GABPB2: variants seen among roughly 807,000 people sequenced by gnomAD.
GABPB2 encodes the protein GA-binding protein subunit beta-2.
GABPB2 carries 23 observed loss-of-function variants against 39.1 expected under a neutral mutation model. The observed-to-expected ratio is 0.59, with a 90% CI of 0.42 to 0.83. GABPB2 has a LOEUF of 0.83. Among genes scored for constraint, GABPB2 ranks in the 40% least tolerant of loss-of-function variants. The pLI is 0.00. For synonymous variants in GABPB2, 184 were observed against 199.3 expected (o/e 0.92, Z 0.65); for missense variants, 467 against 541.1 (o/e 0.86, Z 1.36).
At chr1:151,075,162 C>T (rs760698690) in intron 1 of GABPB2, among the ~76,000 whole-genome samples, 2 of 151,592 alleles carry the variant, frequency 1.3e-5, no homozygotes, top group East Asian at 2.0e-4. Flanking sequence ...AAGGGCCAGG[C>T]GCAGTGGCTC....
At position 151,088,279 on chromosome 1, in the gene GABPB2, C is replaced by T. The variant is rs1244643887; in HGVS notation, c.90C>T (p.Ala30=). 1 of 1,613,212 alleles carries T rather than the reference C, an allele frequency of 6.2e-7. No homozygotes were observed. Among genetic ancestry groups the T allele is most frequent in the Non-Finnish European group, 8.5e-7 (1 of 1,179,592 alleles). Residue 30 remains alanine (A), a synonymous_variant, in exon 2 of 9, where the codon GCC becomes GCT. Transcript: ENST00000368918. ...TGAGAACGTTGATGGCAAATGGCGC[C>T]CCATTCACCACAGACTGGGTAAGCT... The part of the protein sequence containing the change: ...DEVRTLMANG[A]PFTTDWLGTS...
In GABPB2 at chr1:151,119,463, G is replaced by C. The variant is rs587757039; in HGVS notation, c.*1207G>C. The C allele has an allele frequency of 1.3e-5, 2 of 152,344 alleles. No individual in the cohort carries two copies. The highest frequency in any genetic ancestry group is 4.8e-5 in the African/African-American group (2 of 41,458). The allele number at this position is 152,344 out of a possible 1,614,324, so 9.4% of individuals were successfully genotyped here. A position where few individuals can be genotyped will look rare whatever the true frequency, so the allele number is the denominator to read the frequency against. Reference sequence around the variant, plus strand: ...TACTAAAAATACAAAAAATTGGCCGGGCGCAGCGGCTCACGCCTGTAATCC... The same window carrying C: ...TACTAAAAATACAAAAAATTGGCCGCGCGCAGCGGCTCACGCCTGTAATCC... On this transcript the variant is annotated 3_prime_UTR_variant, in exon 9 of 9. Coordinates refer to ENST00000368918, the MANE Select transcript of GABPB2 (RefSeq NM_144618.3).
At position 151,119,698 on chromosome 1, in the gene GABPB2, A is replaced by C. The variant is rs587599420; in HGVS notation, c.*1442A>C. The C allele has an allele frequency of 6.5e-6, 1 of 152,874 alleles. No homozygotes were observed. The highest frequency in any genetic ancestry group is 6.5e-5 in the Admixed American group (1 of 15,296). 9.5% of individuals were successfully genotyped at this position (152,874 alleles called of 1,614,324 possible). On this transcript the variant is annotated 3_prime_UTR_variant, in exon 9 of 9. Coordinates refer to ENST00000368918, the MANE Select transcript of GABPB2 (RefSeq NM_144618.3). Reference sequence around the variant, plus strand: ...GGTTGCAGTGAGCCAAGATCGTGCCACTGCACTCCAGCCTGGCGACACAGT... The same window carrying C: ...GGTTGCAGTGAGCCAAGATCGTGCCCCTGCACTCCAGCCTGGCGACACAGT...
At chr1:151,073,439 T>C (rs1676886204) in intron 1 of GABPB2, among the ~76,000 whole-genome samples, 1 of 152,120 alleles carries the variant, frequency 6.6e-6, no homozygotes, top group Admixed American at 6.6e-5. Context: ...GCCTAGACTG[T>C]TTTCTGATGT....
chr1:151,074,088 G>A (rs1360898338), intron 1 of GABPB2, among the ~76,000 whole-genome samples: 1 of 135,328 alleles, frequency 7.4e-6, no homozygotes, highest in African/African-American at 2.8e-5. Flanking sequence ...CCATTCTCCT[G>A]CCTCAGCCTC....
intron 2 of GABPB2, among the ~76,000 whole-genome samples, chr1:151,089,498 T>A (rs764992139): frequency 7.9e-5 from 12 of 152,156 alleles, no homozygotes; most frequent in Admixed American, 2.6e-4. Context: ...GATACATCAT[T>A]GCTAAATTTT....
At chr1:151,108,935 C>G (rs1680172442) in intron 7 of GABPB2, among the ~76,000 whole-genome samples, 1 of 152,062 alleles carries the variant, frequency 6.6e-6, no homozygotes, top group African/African-American at 2.4e-5. Context: ...TCCTGTAATC[C>G]TAGCACTTTG....
intron 5 of GABPB2, among the ~76,000 whole-genome samples, chr1:151,099,676 T>C (rs1679370408): frequency 6.6e-6 from 1 of 152,214 alleles, no homozygotes; most frequent in Non-Finnish European, 1.5e-5. Context: ...GCTATTGATA[T>C]TGAGAGGTAG....
intron 6 of GABPB2, among the ~76,000 whole-genome samples, chr1:151,103,999 T>G (rs1156517795): frequency 6.6e-6 from 1 of 152,238 alleles, no homozygotes; most frequent in African/African-American, 2.4e-5. Context: ...ATGTTATGTT[T>G]TGACTGATGC....
At chr1:151,109,986 G>A (rs1266189620) in intron 7 of GABPB2, among the ~76,000 whole-genome samples, 3 of 134,096 alleles carry the variant, frequency 2.2e-5, no homozygotes, top group Non-Finnish European at 3.1e-5. Context: ...TTACAATCAT[G>A]TGCCACCATG....
chr1:151,090,954 C>T (rs587722154), intron 3 of GABPB2, among the ~76,000 whole-genome samples: 17 of 151,166 alleles, frequency 1.1e-4, no homozygotes, highest in African/African-American at 4.1e-4. Context: ...GGCAAGATCA[C>T]GCCACTGCAC....
chr1:151,108,566 A>G lies in GABPB2; in HGVS notation c.922+1344A>G, dbSNP rs111652201. ...ACCCAGGCTTGTGTGCGGTGGTGCAATCATGGGTCACTGCAGCCTCGACCT... is the reference window on the plus strand; with the variant it reads ...ACCCAGGCTTGTGTGCGGTGGTGCAGTCATGGGTCACTGCAGCCTCGACCT... On this transcript the variant is annotated intron_variant, in intron 7 of 8. Transcript: ENST00000368918. Among the ~76,000 whole-genome samples the G allele has an allele frequency of 1.2e-3, 182 of 151,824 alleles. 1 individual carries two copies. The highest frequency in any genetic ancestry group is 4.2e-3 in the African/African-American group (172 of 41,412).
chr1:151,104,246 TG>T (rs1558150913), intron 6 of GABPB2, among the ~76,000 whole-genome samples: 1 of 152,154 alleles, frequency 6.6e-6, no homozygotes, highest in Non-Finnish European at 1.5e-5. Context: ...TAGTGGTCTG[TG>T]GGGGGAAGAC....
rs1173115935 is a variant in GABPB2 at position 151,119,782 on chromosome 1, G to T, written c.*1526G>T. On this transcript the variant is annotated 3_prime_UTR_variant, in exon 9 of 9. Transcript: ENST00000368918. ...CAAAAATACAAAAAATTAGCCGGGC[G>T]TGGTGGCACCTGCCTGTAATCCCAG... The T allele has an allele frequency of 1.3e-5, 2 of 152,004 alleles. No homozygotes were observed. The highest frequency in any genetic ancestry group is 4.9e-5 in the African/African-American group (2 of 41,102). 9.4% of individuals were successfully genotyped at this position (152,004 alleles called of 1,614,324 possible). A position where few individuals can be genotyped will look rare whatever the true frequency, so the allele number is the denominator to read the frequency against.
chr1:151,090,931 G>A (rs902001256), intron 3 of GABPB2, among the ~76,000 whole-genome samples: 1 of 151,536 alleles, frequency 6.6e-6, no homozygotes, highest in Non-Finnish European at 1.5e-5. Flanking sequence ...CTGGGAGGCG[G>A]AGGTTGTGGT....
At chr1:151,116,969 T>A (rs1680926621) in intron 7 of GABPB2, among the ~76,000 whole-genome samples, 1 of 152,090 alleles carries the variant, frequency 6.6e-6, no homozygotes. Context: ...GACACCTTCA[T>A]ATAAGAGCTT....
chr1:151,098,097 C>G, intron 5 of GABPB2, 95 bp downstream of exon 5: 3 of 1,011,328 alleles, frequency 3.0e-6, no homozygotes, highest in South Asian at 1.6e-5. Flanking sequence ...TCTAATACTC[C>G]TTAATTAAAA....
chr1:151,106,252 G>A (rs993711678), intron 6 of GABPB2, among the ~76,000 whole-genome samples: 6 of 151,616 alleles, frequency 4.0e-5, no homozygotes, highest in East Asian at 1.9e-4. Context: ...GTGAGCCACC[G>A]TGCCCAGCCA....
intron 1 of GABPB2, among the ~76,000 whole-genome samples, chr1:151,079,697 C>T (rs1013006621): frequency 4.0e-5 from 6 of 151,160 alleles, no homozygotes; most frequent in African/African-American, 1.5e-4. Flanking sequence ...GTCAGGAGTT[C>T]GAGGGGCTGA....
Sources: gnomAD v4.1 joint callset for allele counts (sites outside exome capture counted in the v4.1 genomes callset) on GRCh38, gnomAD v4.1.1 for gene constraint, MANE v1.5 for transcripts, NCBI Gene and HGNC (gene_info 2026-07-23, HGNC 2026-07-21) for gene names.